Variants in ROBO2 observed in about 807,000 individuals in gnomAD.
The protein encoded by ROBO2 is roundabout homolog 2.
In ROBO2, 53 loss-of-function variants were observed where a neutral mutation model predicts 160.8. The ratio of observed to expected loss-of-function variants is 0.33; its 90% CI spans 0.26 to 0.41. The LOEUF (loss-of-function observed/expected upper bound fraction) is 0.41. Among genes scored for constraint, ROBO2 ranks in the 10% least tolerant of loss-of-function variants. The pLI, the probability that ROBO2 is intolerant of heterozygous loss-of-function variation, is 1.00. For missense variants in ROBO2, 1,577 were observed against 1,722.4 expected (o/e 0.92, Z 1.49); for synonymous variants, 664 against 611.7 (o/e 1.09, Z -1.26).
chr3:76,628,968 G>C (rs760497514), intron 2 of ROBO2, among the ~76,000 whole-genome samples: 51 of 102,844 alleles, frequency 5.0e-4, no homozygotes, highest in Admixed American at 9.2e-4. Flanking sequence ...TTCCAAATAT[G>C]TTGAAGGTAT....
At chr3:77,093,945 AC>A (rs1559991896) in intron 1 of ROBO2, among the ~76,000 whole-genome samples, 1 of 152,218 alleles carries the variant, frequency 6.6e-6, no homozygotes, top group Non-Finnish European at 1.5e-5. Context: ...AAACTTGTTC[AC>A]AGTGCTCTTT....
chr3:76,876,439 C>T (rs2072727496), intron 2 of ROBO2, among the ~76,000 whole-genome samples: 1 of 152,144 alleles, frequency 6.6e-6, no homozygotes. Context: ...CTTTATGAGG[C>T]TGAGGCAGAC....
intron 2 of ROBO2, among the ~76,000 whole-genome samples, chr3:76,138,071 A>G (rs1333565215): frequency 1.3e-5 from 2 of 152,062 alleles, no homozygotes; most frequent in Non-Finnish European, 2.9e-5. Flanking sequence ...CCGTGACTTT[A>G]TCATCATGTC....
At chr3:76,737,787 T>C (rs1269229590) in intron 2 of ROBO2, among the ~76,000 whole-genome samples, 2 of 152,156 alleles carry the variant, frequency 1.3e-5, no homozygotes, top group African/African-American at 4.8e-5. Flanking sequence ...GCAATCTATT[T>C]GACTTTTAAT....
intron 1 of ROBO2, among the ~76,000 whole-genome samples, chr3:77,049,193 G>T (rs2064982052): frequency 6.6e-6 from 1 of 151,996 alleles, no homozygotes; most frequent in African/African-American, 2.4e-5. Context: ...AGCTGGGCAT[G>T]GTGGTGTCCA....
intron 2 of ROBO2, among the ~76,000 whole-genome samples, chr3:76,067,572 CT>C (rs2068298079): frequency 6.6e-6 from 1 of 151,980 alleles, no homozygotes; most frequent in Non-Finnish European, 1.5e-5. Flanking sequence ...GAAAAGGAAT[CT>C]CTTTTTTATA....
At chr3:77,627,700 G>C (rs9826079) in intron 23 of ROBO2, among the ~76,000 whole-genome samples, 16,723 of 152,156 alleles carry the variant, frequency 0.11, 1,338 homozygotes, top group African/African-American at 0.22. Context: ...GGATTAATTT[G>C]TCTAAAGACA....
chr3:77,446,209 C>G (rs994422041), intron 2 of ROBO2, among the ~76,000 whole-genome samples: 1 of 151,956 alleles, frequency 6.6e-6, no homozygotes, highest in African/African-American at 2.4e-5. Context: ...ATCTAATTGT[C>G]AAAGATTCAC....
intron 2 of ROBO2, among the ~76,000 whole-genome samples, chr3:76,283,306 A>G (rs1708342950): frequency 6.6e-6 from 1 of 150,862 alleles, no homozygotes; most frequent in Non-Finnish European, 1.5e-5. Context: ...TTTCTTACCC[A>G]CCTATTTAAA....
intron 2 of ROBO2, among the ~76,000 whole-genome samples, chr3:76,681,978 ACATT>A: frequency 6.6e-6 from 1 of 152,178 alleles, no homozygotes; most frequent in Non-Finnish European, 1.5e-5. Flanking sequence ...TTTGAAGAAT[ACATT>A]TACGGGAGGT....
chr3:76,589,395 G>A (rs1308694221), intron 2 of ROBO2, among the ~76,000 whole-genome samples: 7 of 152,044 alleles, frequency 4.6e-5, no homozygotes, highest in Non-Finnish European at 8.8e-5. Context: ...CGCCTCCCGA[G>A]GTTCCCGCCA....
chr3:77,316,837 T>C (rs2064043885), intron 2 of ROBO2: 4 of 1,268,352 alleles, frequency 3.2e-6, no homozygotes, highest in Non-Finnish European at 4.6e-6. Flanking sequence ...CAGTGTCAGT[T>C]TGATACCTGG....
chr3:76,222,649 T>C (rs1431164754), intron 2 of ROBO2, among the ~76,000 whole-genome samples: 1 of 152,146 alleles, frequency 6.6e-6, no homozygotes, highest in Non-Finnish European at 1.5e-5. Flanking sequence ...CTGGTGTGTG[T>C]GGGTGGGGGA....
Position 76,200,104 on chromosome 3 carries a change from A to G in ROBO2, c.109+262502A>G, listed in dbSNP as rs1265960355. Among the ~76,000 whole-genome samples, 3 of 152,334 alleles carry G rather than the reference A, an allele frequency of 2.0e-5. No individual in the cohort carries two copies. In the East Asian group the frequency reaches 5.8e-4, roughly 29 times the overall value. On this transcript the variant is annotated intron_variant, in intron 2 of 26. Coordinates refer to the ROBO2 transcript ENST00000487694. Reference sequence around the variant, plus strand: ...CTAGCAAAAGACAGATTAACAACAGAAAAACATATGGAAGTTTATTAATGT... The same window carrying G: ...CTAGCAAAAGACAGATTAACAACAGGAAAACATATGGAAGTTTATTAATGT...
At chr3:76,419,807 G>A (rs929032919) in intron 2 of ROBO2, among the ~76,000 whole-genome samples, 2 of 152,022 alleles carry the variant, frequency 1.3e-5, no homozygotes, top group African/African-American at 4.8e-5. Flanking sequence ...TATTTCCAAT[G>A]TTATATGATT....
chr3:77,263,374 T>C (rs1269082919), intron 2 of ROBO2, among the ~76,000 whole-genome samples: 1 of 152,150 alleles, frequency 6.6e-6, no homozygotes, highest in Non-Finnish European at 1.5e-5. Context: ...TAGTACCCAT[T>C]AGTAATTTTT....
intron 2 of ROBO2, among the ~76,000 whole-genome samples, chr3:76,856,651 G>C (rs2070116999): frequency 6.6e-6 from 1 of 152,130 alleles, no homozygotes; most frequent in Admixed American, 6.5e-5. Context: ...CCATGTACCT[G>C]GGTTGGGGCC....
intron 2 of ROBO2, among the ~76,000 whole-genome samples, chr3:77,206,464 G>A (rs1429590821): frequency 2.0e-5 from 3 of 152,014 alleles, no homozygotes; most frequent in Non-Finnish European, 4.4e-5. Context: ...ACCGTGCCCA[G>A]ACCTTTCTTA....
At chr3:77,002,439 A>T (rs1260216510) in intron 2 of ROBO2, among the ~76,000 whole-genome samples, 3 of 65,230 alleles carry the variant, frequency 4.6e-5, no homozygotes, top group East Asian at 1.6e-3. Flanking sequence ...TTTTATCATG[A>T]TCTATTTTAT....
Sources: allele counts gnomAD v4.1 joint callset (sites outside exome capture counted in the v4.1 genomes callset), GRCh38; gene constraint gnomAD v4.1.1; transcripts MANE v1.5; gene names NCBI Gene and HGNC (gene_info 2026-07-23, HGNC 2026-07-21).